The following ATG10 variants were observed in gnomAD, a reference collection of about 807,000 sequenced individuals.
ATG10 encodes ubiquitin-like-conjugating enzyme ATG10.
A neutral mutation model predicts 32.1 loss-of-function variants in ATG10; 30 were observed. The ratio of observed to expected loss-of-function variants is 0.94; its 90% confidence interval spans 0.70 to 1.27. The LOEUF is 1.27. ATG10 is among the 50% of genes most tolerant of loss of function. ATG10 has a pLI of 0.00. For synonymous variants in ATG10, 87 were observed against 91.5 expected, an observed-to-expected ratio of 0.95 and a Z score of 0.28; for missense variants, 233 against 262.3, an observed-to-expected ratio of 0.89 and a Z score of 0.77.
chr5:82,225,271 CACTG>C (rs1195601764), intron 5 of ATG10, among the ~76,000 whole-genome samples: 10 of 152,198 alleles, frequency 6.6e-5, no homozygotes, highest in Non-Finnish European at 8.8e-5. Flanking sequence ...CTTATGCCAG[CACTG>C]ACTGTGTGGT....
chr5:82,065,986 A>T (rs543405950), intron 3 of ATG10, among the ~76,000 whole-genome samples: 23 of 152,110 alleles, frequency 1.5e-4, no homozygotes, highest in South Asian at 4.1e-4. Flanking sequence ...AGTTTTTTTT[A>T]AAAAAATCGT....
At chr5:82,219,059 T>C (rs1745815060) in intron 5 of ATG10, among the ~76,000 whole-genome samples, 1 of 152,158 alleles carries the variant, frequency 6.6e-6, no homozygotes, top group Non-Finnish European at 1.5e-5. Context: ...ACTTAAAAAT[T>C]GGGAGAAATT....
At chr5:82,197,113 C>G (rs1399223844) in intron 5 of ATG10, among the ~76,000 whole-genome samples, 1 of 152,086 alleles carries the variant, frequency 6.6e-6, no homozygotes, top group Non-Finnish European at 1.5e-5. Flanking sequence ...TGAATTTTTT[C>G]ATTAAATTTA....
intron 3 of ATG10, among the ~76,000 whole-genome samples, chr5:82,160,887 AAGTTTGT>A (rs1431083500): frequency 6.6e-6 from 1 of 152,152 alleles, no homozygotes; most frequent in African/African-American, 2.4e-5. Flanking sequence ...ATTACCTATG[AAGTTTGT>A]TATAACATAC....
At chr5:82,119,259 G>A (rs535220561) in intron 3 of ATG10, among the ~76,000 whole-genome samples, 1 of 152,060 alleles carries the variant, frequency 6.6e-6, no homozygotes, top group African/African-American at 2.4e-5. Flanking sequence ...ACAGATTTTT[G>A]TGGTCCATTG....
rs1479410259 is a variant in ATG10 at position 82,178,566 on chromosome 5, A to G, written c.432A>G (p.Pro144=). The G allele has an allele frequency of 3.1e-6, 5 of 1,610,028 alleles. No homozygotes were observed. The highest frequency in any genetic ancestry group is 1.7e-4 in the Middle Eastern group (1 of 6,044). Residue 144 remains proline, a synonymous_variant, in exon 5 of 8, where the codon CCA becomes CCG. Transcript: ENST00000282185. The stretch of plus-strand genomic sequence containing the variant: ...ATAAGATGCGACTGCTACAGGGACC[A>G]TGGGACACTATTACGCAACAGGTTG... ...ECYKMRLLQG[P]WDTITQQEHP...
intron 3 of ATG10, among the ~76,000 whole-genome samples, chr5:82,104,553 A>G (rs545618617): frequency 6.6e-6 from 1 of 152,238 alleles, no homozygotes; most frequent in African/African-American, 2.4e-5. Flanking sequence ...ATCCGATTTT[A>G]TAGGTAAATT....
At chr5:82,212,040 A>G (rs771480782) in intron 5 of ATG10, among the ~76,000 whole-genome samples, 7 of 152,222 alleles carry the variant, frequency 4.6e-5, no homozygotes, top group Non-Finnish European at 1.0e-4. Context: ...ACGGACATGC[A>G]AAACTGCCAA....
At chr5:82,061,739 T>C (rs1763780652) in intron 3 of ATG10, among the ~76,000 whole-genome samples, 1 of 147,146 alleles carries the variant, frequency 6.8e-6, no homozygotes, top group South Asian at 2.1e-4. Flanking sequence ...AGTATGGGTG[T>C]ATGTGTATAT....
chr5:82,245,057 G>A (rs1264791908), intron 5 of ATG10, among the ~76,000 whole-genome samples: 2 of 152,204 alleles, frequency 1.3e-5, no homozygotes, highest in East Asian at 3.8e-4. Context: ...ACTGACAGCA[G>A]ATGGTAGCAC....
intron 3 of ATG10, among the ~76,000 whole-genome samples, chr5:82,161,755 T>G (rs1340831701): frequency 1.8e-5 from 2 of 113,078 alleles, no homozygotes; most frequent in Admixed American, 8.5e-5. Context: ...ACATTTAAAG[T>G]CAATGGAAGA....
intron 2 of ATG10, among the ~76,000 whole-genome samples, chr5:82,044,126 C>T (rs1427611166): frequency 6.6e-6 from 1 of 151,990 alleles, no homozygotes; most frequent in Admixed American, 6.6e-5. Flanking sequence ...AGTTTGCAGG[C>T]TTACCAGGAA....
chr5:81,987,394 G>C (rs1761318032), intron 1 of ATG10, among the ~76,000 whole-genome samples, 165 bp from the exon 2 acceptor site: 3 of 152,124 alleles, frequency 2.0e-5, no homozygotes, highest in Admixed American at 2.0e-4. Context: ...CAAATTGCTG[G>C]GATTACAGAT....
At chr5:82,131,303 A>C (rs1323409435) in intron 3 of ATG10, among the ~76,000 whole-genome samples, 1 of 152,224 alleles carries the variant, frequency 6.6e-6, no homozygotes, top group Non-Finnish European at 1.5e-5. Context: ...ACAAATCTTC[A>C]TTCTGGCATG....
chr5:82,139,026 T>C (rs1199106307), intron 3 of ATG10, among the ~76,000 whole-genome samples: 1 of 150,364 alleles, frequency 6.7e-6, no homozygotes, highest in Non-Finnish European at 1.5e-5. Context: ...CTGGTTTTGG[T>C]GGAGACGGGG....
chr5:82,246,072 T>A (rs1004523433), intron 5 of ATG10, among the ~76,000 whole-genome samples: 1 of 18,688 alleles, frequency 5.4e-5, no homozygotes, highest in African/African-American at 1.1e-4. Context: ...AATACTGACC[T>A]TTTTTTTTTT....
intron 5 of ATG10, among the ~76,000 whole-genome samples, chr5:82,210,324 C>T (rs1745446754): frequency 6.6e-6 from 1 of 152,170 alleles, no homozygotes; most frequent in Admixed American, 6.5e-5. Context: ...AGCTTAGGGG[C>T]ACTAGCAATT....
intron 2 of ATG10, among the ~76,000 whole-genome samples, chr5:82,052,573 A>G (rs758679992): frequency 3.9e-5 from 6 of 152,210 alleles, no homozygotes; most frequent in Non-Finnish European, 5.9e-5. Context: ...TATAGGCACA[A>G]AAGAGGTTTT....
At chr5:82,212,954 G>A (rs1323383378) in intron 5 of ATG10, among the ~76,000 whole-genome samples, 4 of 152,094 alleles carry the variant, frequency 2.6e-5, no homozygotes, top group Non-Finnish European at 4.4e-5. Flanking sequence ...CTGCACTCCA[G>A]GCTAGTTTAT....
Sources: allele counts gnomAD v4.1 joint callset (sites outside exome capture counted in the v4.1 genomes callset), GRCh38; gene constraint gnomAD v4.1.1; transcripts MANE v1.5; gene names NCBI Gene and HGNC (gene_info 2026-07-23, HGNC 2026-07-21).